The following CEP89 variants were observed in gnomAD, a reference collection of about 807,000 sequenced individuals.
CEP89 encodes centrosomal protein 89, also known as centrosomal protein of 89 kDa.
In CEP89, 95 loss-of-function variants were observed where a neutral mutation model predicts 97.6. The observed-to-expected ratio is 0.97, with a 90% CI of 0.82 to 1.15. The LOEUF is 1.15. Ranked by LOEUF, CEP89 falls within the 50% of genes most tolerant of loss-of-function variation. The pLI, the probability that CEP89 is intolerant of heterozygous loss-of-function variation, is 0.00. For missense variants in CEP89, 869 were observed against 947.7 expected (o/e 0.92, Z 1.09); for synonymous variants, 354 against 349.1 (o/e 1.01, Z -0.16).
At chr19:32,967,490 G>A (rs1261215901) in intron 1 of CEP89, among the ~76,000 whole-genome samples, 1 of 146,638 alleles carries the variant, frequency 6.8e-6, no homozygotes, top group African/African-American at 2.5e-5. Context: ...CCGGGAGAAA[G>A]GCTCTCACTA....
Position 32,926,982 on chromosome 19 carries a change from G to C in CEP89, c.1032C>G (p.Ser344Arg), listed in dbSNP as rs915414055. 3.7e-6 allele frequency: 6 copies of C among 1,612,986 alleles called. No homozygotes were observed. The African/African-American group carries it at 6.7e-5, about 18-fold the overall frequency. The stretch of plus-strand genomic sequence containing the variant: ...TGGATGGGAGGCCTTCAATATTTAA[G>C]CTCTAAGAACAAAACATGTATTGAA... The part of the protein sequence containing the change: ...TKFRHLSKEE[S>R]LNIEGLPSKG... Residue 344 changes from serine to arginine, a missense_variant and splice_region_variant, in exon 10 of 19, where the codon AGC becomes AGG. Physicochemically the swap from Ser to Arg is moderately radical, Grantham distance 110. Coordinates refer to ENST00000305768, the MANE Select transcript of CEP89 (RefSeq NM_032816.5).
chr19:32,919,945 C>T (rs12610492), intron 12 of CEP89, among the ~76,000 whole-genome samples: 29,553 of 152,186 alleles, frequency 0.19, 3,230 homozygotes, highest in East Asian at 0.51. Flanking sequence ...CATGCCCAGC[C>T]GCATTTTGGA....
At chr19:32,971,571 C>A (rs926503944) in intron 1 of CEP89, 4 of 579,516 alleles carry the variant, frequency 6.9e-6, no homozygotes. Flanking sequence ...GTGGGAAGAT[C>A]GCTTGAGCCC....
At chr19:32,908,342 T>C (rs1969930765) in intron 14 of CEP89, among the ~76,000 whole-genome samples, 1 of 152,214 alleles carries the variant, frequency 6.6e-6, no homozygotes, top group Non-Finnish European at 1.5e-5. Flanking sequence ...ATGAACTGGC[T>C]GGGGAGGGAA....
At chr19:32,939,010 G>A (rs1377323077) in intron 6 of CEP89, among the ~76,000 whole-genome samples, 1 of 152,022 alleles carries the variant, frequency 6.6e-6, no homozygotes, top group African/African-American at 2.4e-5. Context: ...CCCTTGGGAG[G>A]CCAAGGCAGG....
At chr19:32,940,107 C>T (rs1368543821) in intron 5 of CEP89, among the ~76,000 whole-genome samples, 3 of 152,136 alleles carry the variant, frequency 2.0e-5, no homozygotes, top group Middle Eastern at 3.2e-3. Flanking sequence ...GACCACCATC[C>T]GTGGCTCACG....
chr19:32,905,178 T>C (rs141491331), intron 14 of CEP89, among the ~76,000 whole-genome samples: 344 of 152,338 alleles, frequency 2.3e-3, no homozygotes, highest in African/African-American at 8.0e-3. Context: ...CCAATCTCAA[T>C]AGGAAAGCTT....
chr19:32,889,603 C>T (rs1021556245), intron 16 of CEP89, among the ~76,000 whole-genome samples: 47 of 152,000 alleles, frequency 3.1e-4, no homozygotes, highest in African/African-American at 1.1e-3. Flanking sequence ...GGGGGTGGGC[C>T]GAGAGGAGAG....
At chr19:32,939,719 G>A in intron 6 of CEP89, 138 bp downstream of exon 6, 2 of 481,158 alleles carry the variant, frequency 4.2e-6, no homozygotes, top group East Asian at 3.9e-5. Context: ...CAACAGGAAA[G>A]AACTCTTAAG....
At chr19:32,922,493 T>A (rs1970270098) in intron 12 of CEP89, among the ~76,000 whole-genome samples, 3 of 151,696 alleles carry the variant, frequency 2.0e-5, no homozygotes, top group African/African-American at 7.3e-5. Flanking sequence ...CAGTGAGGTA[T>A]GACTGAGCCA....
rs61745862 is a variant in CEP89 at position 32,915,405 on chromosome 19, T to A, written c.1497A>T (p.Glu499Asp). 2.4e-3 allele frequency: 3,949 copies of A among 1,613,884 alleles called. 10 individuals carry two copies. The highest frequency in any genetic ancestry group is 3.1e-3 in the Admixed American group (184 of 59,966). Residue 499 changes from glutamate (E) to aspartate (D), a missense_variant, in exon 14 of 19, where the codon GAA becomes GAT. Physicochemically the swap from Glu to Asp is conservative, Grantham distance 45 (BLOSUM62 2). Coordinates refer to ENST00000305768, the MANE Select transcript of CEP89 (RefSeq NM_032816.5). Reference sequence around the variant, plus strand: ...TTTTGCCATCCGAGTGTGTTTTGAGTTCTTGGCATTTGGCACGTAAAATCT... The same window carrying A: ...TTTTGCCATCCGAGTGTGTTTTGAGATCTTGGCATTTGGCACGTAAAATCT... ...QLEILRAKCQ[E>D]LKTHSDGKIA...
chr19:32,931,291 C>A, intron 9 of CEP89, 138 bp downstream of exon 9: 1 of 725,138 alleles, frequency 1.4e-6, no homozygotes, highest in South Asian at 2.2e-5. Flanking sequence ...ACAGAATGGT[C>A]CTTAGAAACA....
chr19:32,941,494 C>A (rs1346092794), intron 5 of CEP89, among the ~76,000 whole-genome samples: 1 of 152,132 alleles, frequency 6.6e-6, no homozygotes, highest in African/African-American at 2.4e-5. Flanking sequence ...CAGAGCAAGA[C>A]TCCATCTCAA....
At chr19:32,966,801 A>T (rs561784986) in intron 1 of CEP89, among the ~76,000 whole-genome samples, 2 of 152,146 alleles carry the variant, frequency 1.3e-5, no homozygotes, top group Admixed American at 6.5e-5. Flanking sequence ...CCCCCTGCAG[A>T]GCAGGGCGAC....
At chr19:32,917,823 A>G in intron 13 of CEP89, 1 of 984,372 alleles carries the variant, frequency 1.0e-6, no homozygotes, top group Non-Finnish European at 1.2e-6. Flanking sequence ...TGAAGGAAGG[A>G]AGGACACAGG....
intron 11 of CEP89, 64 bp downstream of exon 11, chr19:32,926,126 T>C: frequency 8.5e-7 from 1 of 1,179,422 alleles, no homozygotes; most frequent in Non-Finnish European, 1.3e-6. Context: ...AATGTTTTTA[T>C]AAAATTTGAA....
At chr19:32,962,703 AG>A (rs1971195640) in intron 2 of CEP89, among the ~76,000 whole-genome samples, 1 of 152,210 alleles carries the variant, frequency 6.6e-6, no homozygotes. Flanking sequence ...TAGAGAGAAA[AG>A]ACTTGCAAAT....
chr19:32,939,931 G>T, intron 5 of CEP89, 46 bp from the exon 6 acceptor site: 1 of 893,686 alleles, frequency 1.1e-6, no homozygotes, highest in Non-Finnish European at 1.8e-6. Flanking sequence ...AGTAGATAAT[G>T]AAATATGACA....
chr19:32,952,851 C>T lies in CEP89; in HGVS notation c.492+764G>A, dbSNP rs1486454942. On this transcript the variant is annotated intron_variant, in intron 4 of 18. Coordinates refer to ENST00000305768, the MANE Select transcript of CEP89 (RefSeq NM_032816.5). Reference sequence around the variant, plus strand: ...TCCAGGAGGTTGAGGCTACAGTGAGCTATAATGGTGCCACTGCACTCCAGC... The same window carrying T: ...TCCAGGAGGTTGAGGCTACAGTGAGTTATAATGGTGCCACTGCACTCCAGC... Among the ~76,000 whole-genome samples the T allele has an allele frequency of 7.3e-5, 9 of 123,380 alleles. 1 individual carries two copies. Among genetic ancestry groups the T allele is most frequent in the African/African-American group, 2.2e-4 (7 of 32,124 alleles). 80.9% of individuals were successfully genotyped at this position (123,380 alleles called of 152,430 possible). A position where few individuals can be genotyped will look rare whatever the true frequency, so the allele number is the denominator to read the frequency against.
Sources: gnomAD v4.1 joint callset for allele counts (sites outside exome capture counted in the v4.1 genomes callset) on GRCh38, gnomAD v4.1.1 for gene constraint, MANE v1.5 for transcripts, NCBI Gene and HGNC (gene_info 2026-07-23, HGNC 2026-07-21) for gene names.